TP63: variants seen among roughly 807,000 people sequenced by gnomAD.
The protein encoded by TP63 is tumor protein 63.
Under a neutral mutation model 82.8 loss-of-function variants are expected in TP63, and 17 were observed. The observed-to-expected ratio is 0.21, with a 90% CI of 0.14 to 0.31. The LOEUF (loss-of-function observed/expected upper bound fraction) is 0.31, where lower values mean the gene tolerates loss of function less well. Ranked by LOEUF, TP63 falls within the 10% of genes least tolerant of loss-of-function variation. The pLI, the probability that TP63 is intolerant of heterozygous loss-of-function variation, is 1.00. For synonymous variants in TP63, 330 were observed against 321.7 expected, an observed-to-expected ratio of 1.03 and a Z score of -0.28; for missense variants, 648 against 895.3, an observed-to-expected ratio of 0.72 and a Z score of 3.52.
chr3:189,852,499 C>G (rs1383986027), intron 4 of TP63, among the ~76,000 whole-genome samples: 1 of 152,154 alleles, frequency 6.6e-6, no homozygotes, highest in Non-Finnish European at 1.5e-5. Flanking sequence ...TTGGTACTTC[C>G]ATGTATGTAT....
At chr3:189,655,247 C>G (rs546571903) in intron 1 of TP63, among the ~76,000 whole-genome samples, 1 of 152,288 alleles carries the variant, frequency 6.6e-6, no homozygotes, top group East Asian at 1.9e-4. Flanking sequence ...GTTGTCACTC[C>G]TCTTACGACA....
chr3:189,866,619 T>G, intron 5 of TP63, 63 bp from the exon 6 acceptor site: 1 of 1,452,282 alleles, frequency 6.9e-7, no homozygotes. Context: ...TCATGCAATT[T>G]CATTTTATTT....
At chr3:189,857,674 G>A (rs763072355) in intron 4 of TP63, among the ~76,000 whole-genome samples, 6 of 151,932 alleles carry the variant, frequency 3.9e-5, no homozygotes, top group African/African-American at 1.5e-4. Flanking sequence ...ACCCCAAATC[G>A]CCAAAATAAC....
chr3:189,653,297 C>G (rs1402542611), intron 1 of TP63, among the ~76,000 whole-genome samples: 1 of 152,172 alleles, frequency 6.6e-6, no homozygotes, highest in Non-Finnish European at 1.5e-5. Context: ...TTTCTCGACA[C>G]TGACCAAAGA....
At chr3:189,665,558 C>G (rs970074000) in intron 1 of TP63, among the ~76,000 whole-genome samples, 19 of 152,110 alleles carry the variant, frequency 1.2e-4, no homozygotes, top group African/African-American at 4.1e-4. Flanking sequence ...TATCTGAAGG[C>G]AAAACCTAAC....
chr3:189,819,476 G>T (rs1320857179), intron 4 of TP63, among the ~76,000 whole-genome samples: 1 of 151,836 alleles, frequency 6.6e-6, no homozygotes, highest in Non-Finnish European at 1.5e-5. Flanking sequence ...CCCAGTGTGT[G>T]ATGTTCCCCT....
chr3:189,725,960 CAGG>C (rs1229459675), intron 1 of TP63, among the ~76,000 whole-genome samples: 3 of 148,888 alleles, frequency 2.0e-5, no homozygotes, highest in Non-Finnish European at 4.4e-5. Flanking sequence ...GAGGCTGGGG[CAGG>C]AGAATTGCTT....
chr3:189,707,925 A>G (rs1435073132), intron 1 of TP63, among the ~76,000 whole-genome samples: 2 of 152,228 alleles, frequency 1.3e-5, no homozygotes, highest in African/African-American at 4.8e-5. Flanking sequence ...ACATACATAT[A>G]CAAAGACATG....
intron 1 of TP63, among the ~76,000 whole-genome samples, chr3:189,712,546 G>A (rs188107771): frequency 1.3e-5 from 2 of 152,248 alleles, no homozygotes; most frequent in African/African-American, 4.8e-5. Flanking sequence ...AGGGCACACA[G>A]CAGCTCTTTG....
At position 189,712,759 on chromosome 3, in the gene TP63, G is replaced by A. The variant is rs1170889039; in HGVS notation, c.63-24981G>A. On this transcript the variant is annotated intron_variant, in intron 1 of 13. Coordinates refer to ENST00000264731, the MANE Select transcript of TP63 (RefSeq NM_003722.5). Reference sequence around the variant, plus strand: ...TATGGAAAGGTGTTTCAGATTGAAAGACAGAGTAGGCAAAGAGAAAGGTTA... The same window carrying A: ...TATGGAAAGGTGTTTCAGATTGAAAAACAGAGTAGGCAAAGAGAAAGGTTA... Among the ~76,000 whole-genome samples, 4 of 123,004 alleles carry A rather than the reference G, an allele frequency of 3.3e-5. No homozygotes were observed. The East Asian group carries it at 9.4e-4, about 29-fold the overall frequency. 80.7% of individuals were successfully genotyped at this position (123,004 alleles called of 152,430 possible). A position where few individuals can be genotyped will look rare whatever the true frequency, so the allele number is the denominator to read the frequency against.
At chr3:189,777,953 T>A (rs1205973430) in intron 3 of TP63, among the ~76,000 whole-genome samples, 3 of 148,858 alleles carry the variant, frequency 2.0e-5, no homozygotes, top group African/African-American at 7.4e-5. Flanking sequence ...TCTTCCGGGT[T>A]CAAGTGATTC....
At chr3:189,667,635 G>A (rs943061257) in intron 1 of TP63, among the ~76,000 whole-genome samples, 1 of 152,076 alleles carries the variant, frequency 6.6e-6, no homozygotes, top group African/African-American at 2.4e-5. Flanking sequence ...AAGCAAATAA[G>A]TACTAAAGAC....
At chr3:189,812,798 A>T (rs1727716582) in intron 4 of TP63, among the ~76,000 whole-genome samples, 1 of 152,138 alleles carries the variant, frequency 6.6e-6, no homozygotes, top group Non-Finnish European at 1.5e-5. Flanking sequence ...AGTTTTGTTG[A>T]GGCTTCGACA....
chr3:189,844,221 G>A (rs1714552013), intron 4 of TP63: 1 of 396,912 alleles, frequency 2.5e-6, no homozygotes, highest in Non-Finnish European at 5.0e-6. Flanking sequence ...TCCCAGGCTG[G>A]AGTGCAATGG....
chr3:189,711,979 C>A (rs2108755537), intron 1 of TP63, among the ~76,000 whole-genome samples: 1 of 152,186 alleles, frequency 6.6e-6, no homozygotes, highest in Middle Eastern at 3.4e-3. Context: ...GTGTGGAGGC[C>A]ACTTGAAGAA....
At chr3:189,801,937 G>T (rs920931629) in intron 3 of TP63, among the ~76,000 whole-genome samples, 1 of 152,116 alleles carries the variant, frequency 6.6e-6, no homozygotes, top group Non-Finnish European at 1.5e-5. Context: ...ATAAAATCTG[G>T]TTTTGAGAAA....
rs145995585 is a variant in TP63 at position 189,672,936 on chromosome 3, G to A, written c.62+41359G>A. Among the ~76,000 whole-genome samples, 835 of 152,106 alleles carry A rather than the reference G, an allele frequency of 5.5e-3. 9 individuals are homozygous for A. Among genetic ancestry groups the A allele is most frequent in the African/African-American group, 0.02 (810 of 41,506 alleles). ...GCTTACTGCAACCTCTGCCTTCCACGTTCAAGCAATTCTTGTGCCTCAGCC... is the reference window on the plus strand; with the variant it reads ...GCTTACTGCAACCTCTGCCTTCCACATTCAAGCAATTCTTGTGCCTCAGCC... On this transcript the variant is annotated intron_variant, in intron 1 of 13. Coordinates refer to ENST00000264731, the MANE Select transcript of TP63 (RefSeq NM_003722.5).
At chr3:189,782,784 G>A (rs1212912508) in intron 3 of TP63, among the ~76,000 whole-genome samples, 6 of 152,020 alleles carry the variant, frequency 3.9e-5, no homozygotes, top group African/African-American at 7.2e-5. Flanking sequence ...AGATGAATAT[G>A]TTTATTTTAA....
intron 1 of TP63, among the ~76,000 whole-genome samples, chr3:189,700,225 T>TA (rs1191381024): frequency 2.0e-5 from 3 of 152,258 alleles, no homozygotes; most frequent in African/African-American, 7.2e-5. Context: ...ACAGCAGCTG[T>TA]AGGGCAGCAT....
Sources: allele counts gnomAD v4.1 joint callset (sites outside exome capture counted in the v4.1 genomes callset), GRCh38; gene constraint gnomAD v4.1.1; transcripts MANE v1.5; gene names NCBI Gene and HGNC (gene_info 2026-07-23, HGNC 2026-07-21).